Variants in SLC8A1 observed in about 807,000 individuals in gnomAD.
SLC8A1 encodes solute carrier family 8 member A1, also known as sodium/calcium exchanger 1.
SLC8A1 carries 18 observed loss-of-function variants against 68.3 expected under a neutral mutation model. The observed-to-expected ratio is 0.26, with a 90% CI of 0.18 to 0.39. SLC8A1 has a LOEUF of 0.39. Among genes scored for constraint, SLC8A1 ranks in the 10% least tolerant of loss-of-function variants. The probability of loss-of-function intolerance (pLI) is 1.00; values close to 1 mark genes in which losing one functional copy is unlikely to be tolerated. For missense variants in SLC8A1, 985 were observed against 1,156.7 expected (o/e 0.85, Z 2.15); for synonymous variants, 475 against 415.5 (o/e 1.14, Z -1.74).
intron 2 of SLC8A1, among the ~76,000 whole-genome samples, chr2:40,210,964 G>A (rs918822942): frequency 5.9e-5 from 9 of 152,210 alleles, no homozygotes; most frequent in Non-Finnish European, 1.2e-4. Context: ...ACAGGACATA[G>A]TCCTTGCTAG....
chr2:40,380,453 G>GA (rs1225639767), intron 2 of SLC8A1, among the ~76,000 whole-genome samples: 1 of 151,830 alleles, frequency 6.6e-6, no homozygotes, highest in Non-Finnish European at 1.5e-5. Flanking sequence ...ACTTTCACTA[G>GA]AAAAAAAGAC....
intron 2 of SLC8A1, among the ~76,000 whole-genome samples, chr2:40,381,980 T>G (rs1378045346): frequency 1.3e-5 from 2 of 152,030 alleles, no homozygotes; most frequent in African/African-American, 2.4e-5. Flanking sequence ...GAGACTGATC[T>G]CCTATCTCCT....
chr2:40,165,567 T>C (rs2046409046), intron 4 of SLC8A1, among the ~76,000 whole-genome samples: 1 of 152,180 alleles, frequency 6.6e-6, no homozygotes, highest in South Asian at 2.1e-4. Context: ...TGTGAGACGC[T>C]TGGGCTCCAG....
chr2:40,369,710 T>C (rs990429068), intron 2 of SLC8A1, among the ~76,000 whole-genome samples: 25 of 152,108 alleles, frequency 1.6e-4, no homozygotes, highest in African/African-American at 5.8e-4. Flanking sequence ...GTAAACTGGA[T>C]TTTCTTTAGC....
At chr2:40,226,902 A>G (rs571298380) in intron 2 of SLC8A1, among the ~76,000 whole-genome samples, 63 of 152,306 alleles carry the variant, frequency 4.1e-4, no homozygotes, top group African/African-American at 1.3e-3. Flanking sequence ...AAAACATGTG[A>G]ACAAAACACA....
At chr2:40,179,220 G>A (rs1034026004) in intron 2 of SLC8A1, among the ~76,000 whole-genome samples, 1 of 152,134 alleles carries the variant, frequency 6.6e-6, no homozygotes, top group Non-Finnish European at 1.5e-5. Flanking sequence ...CAGCAGGTGC[G>A]AGTCATGATG....
chr2:40,310,165 A>G (rs1235323840), intron 2 of SLC8A1, among the ~76,000 whole-genome samples: 2 of 152,210 alleles, frequency 1.3e-5, no homozygotes, highest in Admixed American at 6.5e-5. Context: ...ACTGTGTCCA[A>G]GGTAATGAGG....
At chr2:40,220,383 T>G (rs886898316) in intron 2 of SLC8A1, 26 of 152,304 alleles carry the variant, frequency 1.7e-4, no homozygotes, top group Admixed American at 1.5e-3. Context: ...AAGGAGGTCA[T>G]TAGTGAGTCA....
chr2:40,275,432 G>T (rs543751681), intron 2 of SLC8A1, among the ~76,000 whole-genome samples: 3 of 152,250 alleles, frequency 2.0e-5, no homozygotes, highest in African/African-American at 2.4e-5. Context: ...CAAACAAACT[G>T]CTCTACCTAT....
chr2:40,180,907 TCTAATC>T (rs1165135389), intron 2 of SLC8A1, among the ~76,000 whole-genome samples: 1 of 152,204 alleles, frequency 6.6e-6, no homozygotes, highest in Non-Finnish European at 1.5e-5. Context: ...ACATATTGTT[TCTAATC>T]CTTGGTGAAT....
exon 2 of SLC8A1, chr2:40,429,348 C>T (rs754100315): frequency 1.2e-6 from 2 of 1,613,910 alleles, no homozygotes; most frequent in Non-Finnish European, 1.7e-6. Context: ...TCTCATCCAC[C>T]TCCAGAACCA....
intron 7 of SLC8A1, among the ~76,000 whole-genome samples, chr2:40,129,280 G>T (rs1192212071): frequency 6.7e-6 from 1 of 150,120 alleles, no homozygotes; most frequent in African/African-American, 2.5e-5. Context: ...CACTGAGGCT[G>T]AGTGTGATGG....
intron 1 of SLC8A1, among the ~76,000 whole-genome samples, chr2:40,450,916 A>G (rs1194450177): frequency 6.6e-6 from 1 of 152,136 alleles, no homozygotes; most frequent in South Asian, 2.1e-4. Flanking sequence ...AGAGGGAAAT[A>G]CAAATTGCCA....
chr2:40,180,221 A>T (rs1258365747), intron 2 of SLC8A1, among the ~76,000 whole-genome samples: 1 of 74,716 alleles, frequency 1.3e-5, no homozygotes. Context: ...ATTATTTTTT[A>T]AATTTGCATC....
chr2:40,415,157 A>G (rs902827130), intron 2 of SLC8A1, among the ~76,000 whole-genome samples: 1 of 152,236 alleles, frequency 6.6e-6, no homozygotes, highest in Non-Finnish European at 1.5e-5. Flanking sequence ...CCAGACTTGA[A>G]CAACCAAGTC....
chr2:40,341,217 C>T (rs541304959), intron 2 of SLC8A1, among the ~76,000 whole-genome samples: 4 of 152,038 alleles, frequency 2.6e-5, no homozygotes, highest in Non-Finnish European at 4.4e-5. Context: ...TAGTTGGCTT[C>T]GTGAAACAAG....
At chr2:40,415,394 T>C (rs865798364) in intron 2 of SLC8A1, among the ~76,000 whole-genome samples, 6 of 143,492 alleles carry the variant, frequency 4.2e-5, no homozygotes, top group South Asian at 4.5e-4. Flanking sequence ...CCTGAAGACA[T>C]AGAAGAAAAA....
At chr2:40,437,113 C>T (rs759112463) in intron 1 of SLC8A1, among the ~76,000 whole-genome samples, 60 of 152,256 alleles carry the variant, frequency 3.9e-4, no homozygotes, top group Non-Finnish European at 7.1e-4. Flanking sequence ...AGTAAGCTGG[C>T]TAGAGTCATA....
At chr2:40,380,705 A>T (rs1007454490) in intron 2 of SLC8A1, among the ~76,000 whole-genome samples, 1 of 152,052 alleles carries the variant, frequency 6.6e-6, no homozygotes, top group Non-Finnish European at 1.5e-5. Context: ...TCAAAGATTA[A>T]ACTTAATAGA....
Sources: allele counts gnomAD v4.1 joint callset (sites outside exome capture counted in the v4.1 genomes callset), GRCh38; gene constraint gnomAD v4.1.1; transcripts MANE v1.5; gene names NCBI Gene and HGNC (gene_info 2026-07-23, HGNC 2026-07-21).